ADGB: variants seen among roughly 807,000 people sequenced by gnomAD.
ADGB encodes calpain-7-like protein.
A neutral mutation model predicts 210.5 loss-of-function variants in ADGB; 172 were observed. That is an observed-to-expected ratio of 0.82 (90% CI 0.72 to 0.93). ADGB has a LOEUF of 0.93. Among genes scored for constraint, ADGB ranks in the 40% least tolerant of loss-of-function variants. The pLI is 0.00. For missense variants in ADGB, 2,025 were observed against 1,964.8 expected (o/e 1.03, Z -0.58); for synonymous variants, 658 against 662.7 (o/e 0.99, Z 0.11).
chr6:146,743,419 C>T (rs1583617897), intron 25 of ADGB, among the ~76,000 whole-genome samples: 1 of 152,208 alleles, frequency 6.6e-6, no homozygotes, highest in African/African-American at 2.4e-5. Flanking sequence ...GTTTTAGAAA[C>T]TCCATTGTAG....
At chr6:146,716,100 T>C (rs1421163705) in intron 14 of ADGB, among the ~76,000 whole-genome samples, 1 of 150,680 alleles carries the variant, frequency 6.6e-6, no homozygotes, top group East Asian at 2.0e-4. Flanking sequence ...TTGGTAAATA[T>C]AAAATAAGGC....
intron 7 of ADGB, among the ~76,000 whole-genome samples, chr6:146,670,918 T>C (rs1234965851): frequency 6.6e-6 from 1 of 152,220 alleles, no homozygotes; most frequent in Non-Finnish European, 1.5e-5. Context: ...CTGCAGAGGA[T>C]AATACTTGAA....
At position 146,737,799 on chromosome 6, in the gene ADGB, T is replaced by C. The variant is rs554942575; in HGVS notation, c.2888+1208T>C. On this transcript the variant is annotated intron_variant, in intron 23 of 35. Coordinates refer to ENST00000397944, the MANE Select transcript of ADGB (RefSeq NM_024694.4). ...ATAGGATCAGTACACCAGGGAGGTG[T>C]AACACTAGCATAATACCTTCAGGGG... 2.6e-5 allele frequency among the ~76,000 whole-genome samples: 4 copies of C among 152,300 alleles called. No individual in the cohort carries two copies. The South Asian group carries it at 8.3e-4, about 32-fold the overall frequency.
At chr6:146,615,733 C>T (rs1780790041) in intron 1 of ADGB, among the ~76,000 whole-genome samples, 1 of 152,138 alleles carries the variant, frequency 6.6e-6, no homozygotes, top group African/African-American at 2.4e-5. Flanking sequence ...ATAATGTCCT[C>T]CAGTTTCATC....
intron 23 of ADGB, among the ~76,000 whole-genome samples, chr6:146,739,724 T>G (rs1777135949): frequency 6.6e-6 from 1 of 152,164 alleles, no homozygotes; most frequent in African/African-American, 2.4e-5. Flanking sequence ...CCATAATGCT[T>G]CCATCCCAGC....
At chr6:146,708,935 C>G (rs568980557) in intron 13 of ADGB, among the ~76,000 whole-genome samples, 47 of 152,132 alleles carry the variant, frequency 3.1e-4, no homozygotes, top group Admixed American at 8.5e-4. Flanking sequence ...TTTCCAATAG[C>G]CTGTCTTCAA....
chr6:146,804,730 C>A (rs1270631116), intron 35 of ADGB, among the ~76,000 whole-genome samples: 1 of 152,172 alleles, frequency 6.6e-6, no homozygotes, highest in Admixed American at 6.5e-5. Context: ...TTTGCCCCTC[C>A]ACAATGTGGT....
intron 19 of ADGB, among the ~76,000 whole-genome samples, chr6:146,726,825 C>T (rs1776902107): frequency 6.6e-6 from 1 of 152,150 alleles, no homozygotes; most frequent in Non-Finnish European, 1.5e-5. Context: ...TCAGTGCAGT[C>T]CTTTTTAATA....
At chr6:146,757,573 G>A (rs1777425889) in intron 27 of ADGB, among the ~76,000 whole-genome samples, 1 of 151,580 alleles carries the variant, frequency 6.6e-6, no homozygotes, top group South Asian at 2.1e-4. Flanking sequence ...GTCTTAGCAG[G>A]GAGTTTAACT....
In ADGB at chr6:146,802,358, C is replaced by CT. The variant is rs910073175; in HGVS notation, c.4818+356dup. 1.2e-3 allele frequency: 202 copies of CT among 167,464 alleles called. 1 individual carries two copies. Among genetic ancestry groups the CT allele is most frequent in the African/African-American group, 3.3e-3 (136 of 41,356 alleles). 10.4% of individuals were successfully genotyped at this position (167,464 alleles called of 1,614,324 possible). A position where few individuals can be genotyped will look rare whatever the true frequency, so the allele number is the denominator to read the frequency against. ...ATCCTAAACTGTCAGTGGGAAAAGT[C>CT]TTTTTTTTTAAGTGTTTTTTAAATA... is the stretch of plus-strand genomic sequence containing the variant. On this transcript the variant is annotated intron_variant, in intron 35 of 35. Coordinates refer to ENST00000397944, the MANE Select transcript of ADGB (RefSeq NM_024694.4).
intron 8 of ADGB, among the ~76,000 whole-genome samples, chr6:146,675,297 G>T (rs1776070343): frequency 1.3e-5 from 2 of 151,650 alleles, no homozygotes; most frequent in African/African-American, 4.8e-5. Context: ...CTATAAAAAA[G>T]AAAAATAAAA....
intron 13 of ADGB, among the ~76,000 whole-genome samples, chr6:146,712,956 C>T (rs1237824376): frequency 1.3e-5 from 2 of 152,106 alleles, no homozygotes; most frequent in African/African-American, 4.8e-5. Context: ...CTTTCTGTGC[C>T]TATAACTTTG....
At chr6:146,765,006 G>A (rs1173914789) in intron 28 of ADGB, among the ~76,000 whole-genome samples, 1 of 152,102 alleles carries the variant, frequency 6.6e-6, no homozygotes, top group Non-Finnish European at 1.5e-5. Context: ...TCACCATGTT[G>A]GCCAGGCTGG....
chr6:146,636,932 C>T lies in ADGB; in HGVS notation c.237+1395C>T, dbSNP rs182276113. Among the ~76,000 whole-genome samples, 300 of 152,106 alleles carry T rather than the reference C, an allele frequency of 2.0e-3. 1 individual carries two copies. The highest frequency in any genetic ancestry group is 7.1e-3 in the African/African-American group (293 of 41,532). ...TGAGGCTAGTCATCAGGAAATCAGCCTCAGATGAATTCACCCTTTCCTCTA... is the reference window on the plus strand; with the variant it reads ...TGAGGCTAGTCATCAGGAAATCAGCTTCAGATGAATTCACCCTTTCCTCTA... On this transcript the variant is annotated intron_variant, in intron 2 of 35. Transcript: ENST00000397944.
chr6:146,813,391 A>C (rs11964643), intron 35 of ADGB, among the ~76,000 whole-genome samples: 5,008 of 152,202 alleles, frequency 0.033, 204 homozygotes, highest in African/African-American at 0.092. Flanking sequence ...AACCATACAG[A>C]TCTAAATGCT....
chr6:146,814,551 A>C (rs1562309372), intron 35 of ADGB, among the ~76,000 whole-genome samples: 2 of 152,290 alleles, frequency 1.3e-5, no homozygotes, highest in East Asian at 3.9e-4. Flanking sequence ...AGTTTTGCTA[A>C]AGTGGTGAGA....
intron 7 of ADGB, among the ~76,000 whole-genome samples, chr6:146,670,811 G>A (rs1241685164): frequency 6.6e-6 from 1 of 152,056 alleles, no homozygotes; most frequent in African/African-American, 2.4e-5. Flanking sequence ...TGTGTAAAAT[G>A]AGAATTAAAA....
intron 29 of ADGB, among the ~76,000 whole-genome samples, chr6:146,777,404 A>G (rs1777736119): frequency 6.6e-6 from 1 of 152,124 alleles, no homozygotes; most frequent in Admixed American, 6.5e-5. Context: ...TCCATATTTA[A>G]TTGTTAGAAG....
chr6:146,685,890 T>C, intron 10 of ADGB, 62 bp downstream of exon 10: 1 of 987,662 alleles, frequency 1.0e-6, no homozygotes, highest in Non-Finnish European at 1.4e-6. Flanking sequence ...CACGTGTGTG[T>C]GTGATTACTT....
Sources: allele counts gnomAD v4.1 joint callset (sites outside exome capture counted in the v4.1 genomes callset), GRCh38; gene constraint gnomAD v4.1.1; transcripts MANE v1.5; gene names NCBI Gene and HGNC (gene_info 2026-07-23, HGNC 2026-07-21).